Variants in DTL observed in about 807,000 individuals in gnomAD.
DTL encodes the protein denticleless protein homolog.
In DTL, 46 loss-of-function variants were observed where a neutral mutation model predicts 87.0. The ratio of observed to expected loss-of-function variants is 0.53; its 90% CI spans 0.42 to 0.68. The LOEUF (loss-of-function observed/expected upper bound fraction) is 0.68. Ranked by LOEUF, DTL falls within the 30% of genes least tolerant of loss-of-function variation. The pLI, the probability that DTL is intolerant of heterozygous loss-of-function variation, is 0.00. For missense variants in DTL, 737 were observed against 869.4 expected (o/e 0.85, Z 1.91); for synonymous variants, 308 against 311.2 (o/e 0.99, Z 0.11).
intron 11 of DTL, among the ~76,000 whole-genome samples, chr1:212,074,810 A>G (rs1654780509): frequency 6.6e-6 from 1 of 152,210 alleles, no homozygotes; most frequent in South Asian, 2.1e-4. Flanking sequence ...ACAAGAAAAC[A>G]AAATAGAAGG....
intron 5 of DTL, among the ~76,000 whole-genome samples, chr1:212,058,842 T>G (rs1668254456): frequency 6.6e-6 from 1 of 150,520 alleles, no homozygotes; most frequent in Non-Finnish European, 1.5e-5. Flanking sequence ...AAATCAGAAA[T>G]GAAAAAGGAA....
chr1:212,067,569 G>C (rs1373727264), intron 8 of DTL, among the ~76,000 whole-genome samples: 1 of 152,030 alleles, frequency 6.6e-6, no homozygotes. Context: ...GATTTCCATT[G>C]TGTCCTCTGG....
intron 1 of DTL, among the ~76,000 whole-genome samples, chr1:212,040,173 T>A (rs1355200951): frequency 3.3e-5 from 5 of 151,912 alleles, no homozygotes; most frequent in Non-Finnish European, 5.9e-5. Context: ...TAAGTTTTTT[T>A]ATTTTAAATG....
intron 5 of DTL, among the ~76,000 whole-genome samples, chr1:212,057,422 A>C: frequency 6.6e-6 from 1 of 152,150 alleles, no homozygotes; most frequent in South Asian, 2.1e-4. Flanking sequence ...TTCATAAATA[A>C]AAGAGAAATA....
chr1:212,056,024 C>T (rs1407695641), intron 5 of DTL, among the ~76,000 whole-genome samples: 1 of 152,220 alleles, frequency 6.6e-6, no homozygotes, highest in Non-Finnish European at 1.5e-5. Flanking sequence ...GTCACAGCCA[C>T]CGCCAACACT....
chr1:212,043,690 C>T (rs1174724107), intron 2 of DTL, among the ~76,000 whole-genome samples: 1 of 151,910 alleles, frequency 6.6e-6, no homozygotes, highest in East Asian at 1.9e-4. Flanking sequence ...ATCAGCTGGG[C>T]GTGGTGGCGC....
chr1:212,093,736 T>C (rs1264750283), intron 13 of DTL, among the ~76,000 whole-genome samples: 2 of 152,200 alleles, frequency 1.3e-5, no homozygotes, highest in Non-Finnish European at 2.9e-5. Context: ...CCAGCCACCA[T>C]GTGTTCCTGC....
intron 13 of DTL, among the ~76,000 whole-genome samples, chr1:212,085,238 A>G (rs1462970485): frequency 6.6e-6 from 1 of 152,242 alleles, no homozygotes; most frequent in Non-Finnish European, 1.5e-5. Context: ...CATTAATACA[A>G]TCTAATTCTA....
intron 13 of DTL, among the ~76,000 whole-genome samples, chr1:212,082,816 A>C (rs112637112): frequency 3.3e-5 from 5 of 152,188 alleles, no homozygotes; most frequent in African/African-American, 1.2e-4. Flanking sequence ...AGAGGAATAA[A>C]TGGACAGGAA....
intron 1 of DTL, among the ~76,000 whole-genome samples, chr1:212,042,778 G>C (rs1203284947): frequency 6.6e-6 from 1 of 152,144 alleles, no homozygotes; most frequent in Non-Finnish European, 1.5e-5. Context: ...TAAGCCCAAA[G>C]CTATACCTCC....
intron 13 of DTL, among the ~76,000 whole-genome samples, chr1:212,093,329 C>A (rs1380798283): frequency 6.6e-6 from 1 of 152,284 alleles, no homozygotes; most frequent in Admixed American, 6.5e-5. Flanking sequence ...GTTTTGCTGT[C>A]TATAGGCGGC....
At chr1:212,064,067 T>A (rs1023180690) in intron 6 of DTL, among the ~76,000 whole-genome samples, 2 of 152,002 alleles carry the variant, frequency 1.3e-5, no homozygotes, top group African/African-American at 4.8e-5. Context: ...TAGTTATGTA[T>A]TTTTAGTACA....
In DTL at chr1:212,035,795, C is replaced by G. The variant is rs1558066456; in HGVS notation, c.-96C>G. The stretch of plus-strand genomic sequence containing the variant: ...CAGTGGCGGGAGTTGGAGGCGATAA[C>G]GATTTGTGTTGTGAGAGGCGCAAGC... On this transcript the variant is annotated 5_prime_UTR_variant, in exon 1 of 15. Coordinates refer to ENST00000366991, the MANE Select transcript of DTL (RefSeq NM_016448.4). The G allele has an allele frequency of 8.2e-7, 1 of 1,216,574 alleles. No individual in the cohort carries two copies. Among genetic ancestry groups the G allele is most frequent in the Non-Finnish European group, 1.2e-6 (1 of 843,502 alleles). 75.4% of individuals were successfully genotyped at this position (1,216,574 alleles called of 1,614,324 possible).
At chr1:212,099,953 A>G (rs1655566730) in intron 13 of DTL, among the ~76,000 whole-genome samples, 1 of 152,196 alleles carries the variant, frequency 6.6e-6, no homozygotes, top group Admixed American at 6.5e-5. Context: ...ATGCACAAAT[A>G]TAGAAAGTAT....
chr1:212,037,292 A>G (rs1044665688), intron 1 of DTL, among the ~76,000 whole-genome samples: 1 of 152,218 alleles, frequency 6.6e-6, no homozygotes, highest in African/African-American at 2.4e-5. Context: ...GTTACATAAT[A>G]GTCACTGAAA....
intron 13 of DTL, among the ~76,000 whole-genome samples, chr1:212,085,863 T>C (rs1655115536): frequency 6.6e-6 from 1 of 152,218 alleles, no homozygotes; most frequent in African/African-American, 2.4e-5. Flanking sequence ...TCACCATCAC[T>C]TGTTAAAGAG....
intron 13 of DTL, among the ~76,000 whole-genome samples, chr1:212,081,392 C>T (rs185577449): frequency 3.3e-5 from 5 of 152,184 alleles, no homozygotes; most frequent in African/African-American, 1.2e-4. Flanking sequence ...CTGCAGCAGG[C>T]AAAGGAAAGG....
chr1:212,041,650 G>A (rs180726190), intron 1 of DTL, among the ~76,000 whole-genome samples: 1,691 of 152,056 alleles, frequency 0.011, 30 homozygotes, highest in African/African-American at 0.038. Flanking sequence ...GACTACAGGC[G>A]CCTGCCACCA....
At chr1:212,068,154 A>G in intron 8 of DTL, 70 bp from the exon 9 acceptor site, 1 of 941,670 alleles carries the variant, frequency 1.1e-6, no homozygotes, top group Non-Finnish European at 1.7e-6. Context: ...GTCATTTCAC[A>G]TTTAGTGTAG....
Sources: gnomAD v4.1 joint callset for allele counts (sites outside exome capture counted in the v4.1 genomes callset) on GRCh38, gnomAD v4.1.1 for gene constraint, MANE v1.5 for transcripts, NCBI Gene and HGNC (gene_info 2026-07-23, HGNC 2026-07-21) for gene names.